Variants in ESR1 observed in about 807,000 individuals in gnomAD.
ESR1 encodes the protein estrogen receptor 1, also known as estrogen receptor.
ESR1 carries 12 observed loss-of-function variants against 52.7 expected under a neutral mutation model. The ratio of observed to expected loss-of-function variants is 0.23; its 90% CI spans 0.15 to 0.37. The LOEUF is 0.37. Ranked by LOEUF, ESR1 falls within the 10% of genes least tolerant of loss-of-function variation. ESR1 has a pLI of 1.00. For missense variants in ESR1, 584 were observed against 779.7 expected (o/e 0.75, Z 2.99); for synonymous variants, 305 against 316.8 (o/e 0.96, Z 0.39).
At chr6:151,945,661 C>T (rs917001983) in intron 4 of ESR1, among the ~76,000 whole-genome samples, 15 of 152,138 alleles carry the variant, frequency 9.9e-5, no homozygotes, top group Non-Finnish European at 5.9e-5. Context: ...GAGGTTTTCT[C>T]ATTTGGTTTC....
chr6:152,080,016 A>C (rs1288086782), intron 6 of ESR1, among the ~76,000 whole-genome samples: 1 of 152,228 alleles, frequency 6.6e-6, no homozygotes, highest in Non-Finnish European at 1.5e-5. Context: ...TATATGTTTC[A>C]TTGGTGTACT....
chr6:151,665,899 T>C (rs1047267459), intron 1 of ESR1, among the ~76,000 whole-genome samples: 1 of 152,224 alleles, frequency 6.6e-6, no homozygotes, highest in African/African-American at 2.4e-5. Context: ...GTATTTTATT[T>C]CATTTTGCCT....
At chr6:152,071,802 T>C (rs571688869) in intron 6 of ESR1, among the ~76,000 whole-genome samples, 100 of 152,364 alleles carry the variant, frequency 6.6e-4, no homozygotes, top group Non-Finnish European at 1.2e-3. Context: ...TTCAGGATTA[T>C]AAATAACATT....
intron 2 of ESR1, among the ~76,000 whole-genome samples, chr6:151,712,322 G>A (rs576297954): frequency 5.3e-5 from 8 of 152,130 alleles, no homozygotes; most frequent in East Asian, 3.9e-4. Context: ...TTGGCTATAC[G>A]GGCTTTTTTT....
At chr6:151,952,546 T>G (rs1584433449) in intron 4 of ESR1, among the ~76,000 whole-genome samples, 2 of 152,336 alleles carry the variant, frequency 1.3e-5, no homozygotes, top group South Asian at 2.1e-4. Context: ...TTTTGAAACT[T>G]CAAACTGCTT....
chr6:151,756,926 G>T (rs938426748), intron 2 of ESR1, among the ~76,000 whole-genome samples: 4 of 152,176 alleles, frequency 2.6e-5, no homozygotes, highest in African/African-American at 7.2e-5. Context: ...GGAGGCGAAG[G>T]TTGCAGTGAG....
chr6:151,832,504 T>C (rs1277063929), intron 1 of ESR1, among the ~76,000 whole-genome samples: 1 of 152,174 alleles, frequency 6.6e-6, no homozygotes, highest in African/African-American at 2.4e-5. Flanking sequence ...TGTCCATCCA[T>C]AGTGATATTT....
chr6:151,923,485 C>T (rs535977136), intron 3 of ESR1, among the ~76,000 whole-genome samples: 37 of 152,238 alleles, frequency 2.4e-4, no homozygotes, highest in African/African-American at 8.4e-4. Context: ...TCTAATTCAA[C>T]CCCTCCTTCC....
Position 151,808,337 on chromosome 6 carries a change from G to A in ESR1, c.425G>A (p.Arg142His). ...AACGAGCCCAGCGGCTACACGGTGC[G>A]CGAGGCCGGCCCGCCGGCATTCTAC... is the stretch of plus-strand genomic sequence containing the variant. ...LENEPSGYTV[R>H]EAGPPAFYRP... Residue 142 changes from arginine (R) to histidine (H), a missense_variant, in exon 1 of 8, where the codon CGC becomes CAC. Arg to His is a conservative substitution (Grantham distance 29, BLOSUM62 0). Coordinates refer to ENST00000206249, the MANE Select transcript of ESR1 (RefSeq NM_000125.4). The A allele has an allele frequency of 3.9e-6, 6 of 1,529,568 alleles. No homozygotes were observed. The highest frequency in any genetic ancestry group is 5.3e-6 in the Non-Finnish European group (6 of 1,142,482). 94.7% of individuals were successfully genotyped at this position (1,529,568 alleles called of 1,614,324 possible).
chr6:151,673,477 T>C (rs1163616881), intron 1 of ESR1, among the ~76,000 whole-genome samples: 1 of 152,240 alleles, frequency 6.6e-6, no homozygotes, highest in Non-Finnish European at 1.5e-5. Context: ...CGTGACTCTT[T>C]TTCAAAGTAG....
At chr6:151,780,584 T>A (rs1786457104) in intron 2 of ESR1, among the ~76,000 whole-genome samples, 1 of 152,184 alleles carries the variant, frequency 6.6e-6, no homozygotes, top group Non-Finnish European at 1.5e-5. Flanking sequence ...CCTCTCATGA[T>A]TCTAAGGTGG....
intron 4 of ESR1, among the ~76,000 whole-genome samples, chr6:151,976,453 C>A (rs1003953858): frequency 7.9e-5 from 12 of 151,480 alleles, no homozygotes; most frequent in African/African-American, 2.9e-4. Context: ...TTTTTTGCAG[C>A]AAATTGACTT....
At chr6:152,110,726 T>C (rs76260074) in intron 6 of ESR1, among the ~76,000 whole-genome samples, 2,885 of 152,314 alleles carry the variant, frequency 0.019, 83 homozygotes, top group African/African-American at 0.066. Context: ...TCACATTTTC[T>C]GAGGAGAAAG....
chr6:151,824,274 T>A (rs1274548466), intron 1 of ESR1, among the ~76,000 whole-genome samples: 1 of 152,268 alleles, frequency 6.6e-6, no homozygotes, highest in African/African-American at 2.4e-5. Context: ...TGTCTTCTTT[T>A]CAGAAGTGTC....
intron 2 of ESR1, among the ~76,000 whole-genome samples, chr6:151,848,791 T>C (rs1785721898): frequency 6.6e-6 from 1 of 152,168 alleles, no homozygotes; most frequent in Non-Finnish European, 1.5e-5. Flanking sequence ...ATATTTTAGA[T>C]ATATTAATCA....
intron 3 of ESR1, among the ~76,000 whole-genome samples, chr6:151,936,616 G>A (rs1223061708): frequency 6.6e-6 from 1 of 152,158 alleles, no homozygotes; most frequent in Non-Finnish European, 1.5e-5. Context: ...GGAATAATAA[G>A]GGCTACATTT....
chr6:151,961,045 C>A (rs889447425), intron 4 of ESR1, among the ~76,000 whole-genome samples: 1 of 152,166 alleles, frequency 6.6e-6, no homozygotes, highest in African/African-American at 2.4e-5. Flanking sequence ...AGGAGGAAAT[C>A]AGTTCAGTGT....
intron 4 of ESR1, among the ~76,000 whole-genome samples, chr6:151,982,759 T>TA (rs1269790756): frequency 2.0e-5 from 3 of 151,992 alleles, no homozygotes; most frequent in African/African-American, 7.3e-5. Flanking sequence ...TAGTCCTATA[T>TA]AAAAAAATTA....
At chr6:151,777,004 G>T (rs142769196) in intron 2 of ESR1, among the ~76,000 whole-genome samples, 578 of 152,194 alleles carry the variant, frequency 3.8e-3, no homozygotes, top group Non-Finnish European at 6.2e-3. Flanking sequence ...ATGGTATTTG[G>T]GGGGATGTGA....
Sources: gnomAD v4.1 joint callset for allele counts (sites outside exome capture counted in the v4.1 genomes callset) on GRCh38, gnomAD v4.1.1 for gene constraint, MANE v1.5 for transcripts, NCBI Gene and HGNC (gene_info 2026-07-23, HGNC 2026-07-21) for gene names.